DAB1: variants seen among roughly 807,000 people sequenced by gnomAD.
DAB1 encodes the protein DAB adaptor protein 1.
A neutral mutation model predicts 64.6 loss-of-function variants in DAB1; 15 were observed. The ratio of observed to expected loss-of-function variants is 0.23; its 90% CI spans 0.16 to 0.36. The LOEUF is 0.36. Ranked by LOEUF, DAB1 falls within the 10% of genes least tolerant of loss-of-function variation. The pLI is 1.00. For synonymous variants in DAB1, 235 were observed against 251.9 expected, an observed-to-expected ratio of 0.93 and a Z score of 0.64; for missense variants, 596 against 706.7, an observed-to-expected ratio of 0.84 and a Z score of 1.78.
At chr1:57,986,933 C>T (rs1475268217) in intron 5 of DAB1, among the ~76,000 whole-genome samples, 1 of 152,148 alleles carries the variant, frequency 6.6e-6, no homozygotes, top group African/African-American at 2.4e-5. Context: ...TATTATTACC[C>T]TTAATTCATA....
chr1:57,162,961 C>T (rs1160856897), intron 2 of DAB1, among the ~76,000 whole-genome samples: 5 of 152,110 alleles, frequency 3.3e-5, no homozygotes, highest in African/African-American at 7.2e-5. Context: ...ACTAAGTGTC[C>T]CCACCCGACA....
At chr1:57,053,686 A>ATTT (rs1276428060) in intron 9 of DAB1, among the ~76,000 whole-genome samples, 23 of 82,630 alleles carry the variant, frequency 2.8e-4, no homozygotes, top group African/African-American at 7.4e-4. Flanking sequence ...ATATATATAT[A>ATTT]TATTTTTTTT....
At chr1:58,223,439 G>A (rs148423618) in intron 4 of DAB1, among the ~76,000 whole-genome samples, 1,724 of 152,284 alleles carry the variant, frequency 0.011, 81 homozygotes, top group Admixed American at 0.027. Flanking sequence ...GCTAGGCTAA[G>A]CAACAAATTC....
At chr1:57,597,390 T>C (rs755695553) in intron 7 of DAB1, among the ~76,000 whole-genome samples, 22 of 152,206 alleles carry the variant, frequency 1.4e-4, no homozygotes, top group South Asian at 4.1e-4. Flanking sequence ...CCTAGCTGTG[T>C]AGCACTGGGA....
intron 5 of DAB1, among the ~76,000 whole-genome samples, chr1:58,081,982 G>T (rs1258276877): frequency 6.6e-6 from 1 of 152,030 alleles, no homozygotes; most frequent in Admixed American, 6.6e-5. Context: ...ATGTGAAAAA[G>T]ATTATAGAAT....
intron 4 of DAB1, among the ~76,000 whole-genome samples, chr1:58,317,970 C>T (rs546554657): frequency 3.3e-5 from 5 of 152,252 alleles, no homozygotes; most frequent in South Asian, 4.1e-4. Flanking sequence ...CTTTAATGAG[C>T]AGCACAATGC....
At chr1:58,373,497 T>C (rs141546531) in intron 3 of DAB1, among the ~76,000 whole-genome samples, 15,971 of 151,352 alleles carry the variant, frequency 0.11, 853 homozygotes, top group Non-Finnish European at 0.11. Context: ...ACAAAGGACA[T>C]GAACTCATCA....
intron 6 of DAB1, among the ~76,000 whole-genome samples, chr1:57,808,444 A>T (rs1651470369): frequency 2.6e-5 from 4 of 152,190 alleles, no homozygotes; most frequent in African/African-American, 7.2e-5. Flanking sequence ...TAGGAAAAGC[A>T]TCTAATTCAC....
At chr1:57,379,890 A>C (rs1250485809) in intron 1 of DAB1, among the ~76,000 whole-genome samples, 1 of 152,226 alleles carries the variant, frequency 6.6e-6, no homozygotes, top group African/African-American at 2.4e-5. Flanking sequence ...ACTTTGGGTA[A>C]GTTATTTCAC....
chr1:57,113,618 C>G (rs146988306), intron 4 of DAB1, among the ~76,000 whole-genome samples: 112 of 152,204 alleles, frequency 7.4e-4, no homozygotes, highest in Middle Eastern at 3.4e-3. Context: ...GAAATTTGAA[C>G]TTCATATAAT....
At chr1:57,458,207 T>C (rs1268850153) in intron 7 of DAB1, among the ~76,000 whole-genome samples, 2 of 152,154 alleles carry the variant, frequency 1.3e-5, no homozygotes, top group Non-Finnish European at 2.9e-5. Flanking sequence ...CCTCAATGTG[T>C]CATGAACATT....
chr1:58,539,494 C>A (rs1045232143), intron 1 of DAB1, among the ~76,000 whole-genome samples: 11 of 152,188 alleles, frequency 7.2e-5, no homozygotes, highest in African/African-American at 2.7e-4. Flanking sequence ...AGTATATATA[C>A]CACGATATTT....
intron 1 of DAB1, among the ~76,000 whole-genome samples, chr1:57,852,765 AT>A (rs1380555572): frequency 6.6e-6 from 1 of 151,930 alleles, no homozygotes; most frequent in Non-Finnish European, 1.5e-5. Context: ...TCTCATTTAC[AT>A]TTATTATTAT....
intron 4 of DAB1, among the ~76,000 whole-genome samples, chr1:58,340,518 A>T (rs1449489745): frequency 6.6e-6 from 1 of 152,200 alleles, no homozygotes; most frequent in Non-Finnish European, 1.5e-5. Context: ...TAAGAGCCCA[A>T]ACTCATGAGG....
chr1:57,267,609 C>T (rs1267567446), intron 2 of DAB1, among the ~76,000 whole-genome samples: 2 of 152,150 alleles, frequency 1.3e-5, no homozygotes, highest in Admixed American at 1.3e-4. Flanking sequence ...CATACAGGTG[C>T]CCAGGTTCTA....
intron 4 of DAB1, among the ~76,000 whole-genome samples, chr1:58,307,870 G>A (rs1185180419): frequency 6.6e-6 from 1 of 152,050 alleles, no homozygotes; most frequent in African/African-American, 2.4e-5. Context: ...CCACATCAGA[G>A]TAGAGCTTAA....
chr1:57,525,266 A>G (rs1053510693), intron 7 of DAB1, among the ~76,000 whole-genome samples: 3 of 152,216 alleles, frequency 2.0e-5, no homozygotes, highest in African/African-American at 7.2e-5. Context: ...CCTGGTAATC[A>G]ATGAGTCCAT....
At chr1:57,665,849 C>CTGTGTGTGTGTGTGTGTG (rs397862533) in intron 6 of DAB1, among the ~76,000 whole-genome samples, 4 of 137,174 alleles carry the variant, frequency 2.9e-5, no homozygotes, top group African/African-American at 1.1e-4. Flanking sequence ...TTTTAATTAT[C>CTGTGTGTGTGTGTGTGTG]TGTGTGTGTG....
chr1:58,091,935 AACAC>A lies in DAB1; in HGVS notation n.387+58572_387+58575del, dbSNP rs59390109. ...AGTTAGGATGCTTTGAGCTGCATTA[AACAC>A]ACACACACACACACACACACACACA... is the stretch of plus-strand genomic sequence containing the variant. On this transcript the variant is annotated intron_variant and non_coding_transcript_variant, in intron 5 of 20. Coordinates refer to the DAB1 transcript ENST00000485760. Among the ~76,000 whole-genome samples, 159 of 141,884 alleles carry A rather than the reference AACAC, an allele frequency of 1.1e-3. 1 individual carries two copies. The Middle Eastern group carries it at 0.018, about 16-fold the overall frequency. The allele number at this position is 141,884 out of a possible 152,430, so 93.1% of individuals were successfully genotyped here.
Sources: gnomAD v4.1 joint callset for allele counts (sites outside exome capture counted in the v4.1 genomes callset) on GRCh38, gnomAD v4.1.1 for gene constraint, MANE v1.5 for transcripts, NCBI Gene and HGNC (gene_info 2026-07-23, HGNC 2026-07-21) for gene names.